Variants in CNOT11 observed in about 807,000 individuals in gnomAD.
CNOT11 encodes the protein CCR4-NOT transcription complex subunit 11.
A neutral mutation model predicts 44.6 loss-of-function variants in CNOT11; 18 were observed. That is an observed-to-expected ratio of 0.40 (90% CI 0.28 to 0.60). CNOT11 has a LOEUF of 0.60. Ranked by LOEUF, CNOT11 falls within the 20% of genes least tolerant of loss-of-function variation. The probability of loss-of-function intolerance (pLI) is 0.38; values close to 1 mark genes in which losing one functional copy is unlikely to be tolerated. For missense variants in CNOT11, 513 were observed against 677.0 expected (o/e 0.76, Z 2.69); for synonymous variants, 291 against 270.9 (o/e 1.07, Z -0.73).
intron 2 of CNOT11, among the ~76,000 whole-genome samples, chr2:101,258,197 T>C (rs1681774899): frequency 1.3e-5 from 2 of 151,992 alleles, no homozygotes; most frequent in Non-Finnish European, 2.9e-5. Flanking sequence ...AGTTTGAGAC[T>C]AGCCTGGCCA....
chr2:101,253,441 C>T lies in CNOT11; in HGVS notation c.477C>T (p.Ala159=), dbSNP rs1392811389. ...ACCTGCTCAACCCCGCGCCGCCCGC[C>T]CGCGGCGGCCAGGAACCCGACCGCC... The part of the protein sequence containing the change: ...FAHLLNPAPP[A]RGGQEPDRPP... Residue 159 remains alanine (A), a synonymous_variant, in exon 1 of 7, where the codon GCC becomes GCT. Coordinates refer to ENST00000289382, the MANE Select transcript of CNOT11 (RefSeq NM_017546.5). This position sits in a 1 kb window ranked among gnomAD's most constrained non-coding sequence, Gnocchi z 4.3. The T allele has an allele frequency of 5.2e-6, 8 of 1,525,942 alleles. No individual in the cohort carries two copies. The highest frequency in any genetic ancestry group is 7.0e-6 in the Non-Finnish European group (8 of 1,148,554). The allele number at this position is 1,525,942 out of a possible 1,614,324, so 94.5% of individuals were successfully genotyped here.
At chr2:101,266,935 G>C in intron 5 of CNOT11, 56 bp downstream of exon 5, 1 of 1,314,556 alleles carries the variant, frequency 7.6e-7, no homozygotes, top group Non-Finnish European at 1.1e-6. Flanking sequence ...AGATGGCCAG[G>C]AAAGAAAAAT....
chr2:101,266,610 G>A, intron 4 of CNOT11, 67 bp from the exon 5 acceptor site: 1 of 1,231,686 alleles, frequency 8.1e-7, no homozygotes, highest in Non-Finnish European at 1.2e-6. Context: ...ATATACATGG[G>A]AAAAAAAATT....
chr2:101,265,083 T>C, intron 4 of CNOT11, 36 bp downstream of exon 4: 1 of 1,387,716 alleles, frequency 7.2e-7, no homozygotes, highest in African/African-American at 1.5e-5. Flanking sequence ...TTATCTTTTT[T>C]TTTAAATTTA....
Position 101,266,744 on chromosome 2 carries a change from C to G in CNOT11, c.1103C>G (p.Pro368Arg). 1 of 1,614,168 alleles carries G rather than the reference C, an allele frequency of 6.2e-7. No individual in the cohort carries two copies. Among genetic ancestry groups the G allele is most frequent in the Non-Finnish European group, 8.5e-7 (1 of 1,180,028 alleles). ...ATTGGCCTCACCCCAGCCAAACTTC[C>G]TGACCTTGTGGAAAACAACCCTTTA... ...YHIGLTPAKLPDLVENNPLVA... is the reference protein window; with the variant it reads ...YHIGLTPAKLRDLVENNPLVA... Residue 368 changes from proline (P) to arginine (R), a missense_variant, in exon 5 of 7, where the codon CCT (proline) becomes CGT (arginine). By Grantham distance (103) the Pro-to-Arg change is moderately radical (BLOSUM62 -2). Around this residue, in one of 4 missense-constraint regions of CNOT11, gnomAD observed 87 missense variants for 185.4 expected, o/e 0.47. Coordinates refer to ENST00000289382, the MANE Select transcript of CNOT11 (RefSeq NM_017546.5).
Position 101,266,682 on chromosome 2 carries a change from T to C in CNOT11, c.1041T>C (p.Leu347=), listed in dbSNP as rs752338451. 1 of 1,613,484 alleles carries C rather than the reference T, an allele frequency of 6.2e-7. No individual in the cohort carries two copies. The highest frequency in any genetic ancestry group is 8.5e-7 in the Non-Finnish European group (1 of 1,179,420). The part of the protein sequence containing the change: ...PLSSPQQTQL[L]GELEKDPKLV... ...TAAAAATCTGGTGTATTTAGCTACT[T>C]GGTGAGTTGGAAAAAGACCCCAAAC... The change falls in exon 5 of 7, where the codon CTT becomes CTC. Residue 347 remains leucine, a synonymous_variant. Transcript: ENST00000289382.
Position 101,269,824 on chromosome 2 carries a change from A to C in CNOT11, c.*411A>C, listed in dbSNP as rs1682070691. 6.3e-6 allele frequency: 1 copy of C among 158,128 alleles called. No homozygotes were observed. Among genetic ancestry groups the C allele is most frequent in the African/African-American group, 2.4e-5 (1 of 41,538 alleles). 9.8% of individuals were successfully genotyped at this position (158,128 alleles called of 1,614,324 possible). On this transcript the variant is annotated 3_prime_UTR_variant, in exon 7 of 7. Coordinates refer to ENST00000289382, the MANE Select transcript of CNOT11 (RefSeq NM_017546.5). The surrounding 1 kb of genome is among the most constrained non-coding windows in gnomAD (Gnocchi z 4.8). ...AAGCATTTGTCCTAGAGGTGAAAGC[A>C]GCTGAATGTTTCTGAACCATCAAGA...
intron 3 of CNOT11, among the ~76,000 whole-genome samples, chr2:101,263,104 C>T (rs1211074364): frequency 6.6e-6 from 1 of 151,898 alleles, no homozygotes; most frequent in Non-Finnish European, 1.5e-5. Flanking sequence ...ATCTGTAGTC[C>T]CAGCTACTTG....
rs761607015 is a variant in CNOT11 at position 101,264,908 on chromosome 2, C to T, written c.896C>T (p.Ala299Val). The change falls in exon 4 of 7, where the codon GCT becomes GTT. Residue 299 changes from alanine to valine, a missense_variant. This residue lies in a region of CNOT11 where 140 missense variants were observed against 169.8 expected (regional missense o/e 0.82). Coordinates refer to ENST00000289382, the MANE Select transcript of CNOT11 (RefSeq NM_017546.5). ...PPLHICEDEL[A>V]WLNPTEPDHA... ...CTCCACATTTGTGAGGATGAACTTG[C>T]TTGGCTAAACCCCACGGAGCCTGAC... 3.1e-6 allele frequency: 5 copies of T among 1,614,040 alleles called. No individual in the cohort carries two copies. The highest frequency in any genetic ancestry group is 2.7e-5 in the African/African-American group (2 of 74,898).
In CNOT11 at chr2:101,264,871, C is replaced by A; in HGVS notation, c.859C>A (p.Pro287Thr). The change falls in exon 4 of 7, where the codon CCA becomes ACA. Residue 287 changes from proline (P) to threonine (T), a missense_variant. Pro to Thr is a conservative substitution (Grantham distance 38, BLOSUM62 -1). This residue lies in a region of CNOT11 where 140 missense variants were observed against 169.8 expected (regional missense o/e 0.82). Coordinates refer to ENST00000289382, the MANE Select transcript of CNOT11 (RefSeq NM_017546.5). ...ESHFRPEFIR[P>T]PPPLHICEDE... Reference sequence around the variant, plus strand: ...CCATTTTCGACCAGAGTTTATTCGTCCACCGCCTCCACTCCACATTTGTGA... The same window carrying A: ...CCATTTTCGACCAGAGTTTATTCGTACACCGCCTCCACTCCACATTTGTGA... The A allele has an allele frequency of 6.2e-7, 1 of 1,614,104 alleles. No individual in the cohort carries two copies. The highest frequency in any genetic ancestry group is 1.1e-5 in the South Asian group (1 of 91,084).
intron 2 of CNOT11, 126 bp downstream of exon 2, chr2:101,258,081 GT>G: frequency 2.1e-6 from 2 of 971,278 alleles, no homozygotes; most frequent in Non-Finnish European, 3.0e-6. Flanking sequence ...TTAAAAAGTA[GT>G]TTTAGTACTG....
chr2:101,267,335 C>T (rs189964378), intron 5 of CNOT11, among the ~76,000 whole-genome samples: 27 of 152,176 alleles, frequency 1.8e-4, no homozygotes, highest in East Asian at 1.7e-3. Flanking sequence ...GTTGGTCAGG[C>T]GGGTCTCGAA....
intron 4 of CNOT11, among the ~76,000 whole-genome samples, chr2:101,265,311 G>T (rs968510982): frequency 6.6e-6 from 1 of 152,106 alleles, no homozygotes; most frequent in Non-Finnish European, 1.5e-5. Flanking sequence ...TGTTGGCCAG[G>T]CTGGTCTGGT....
chr2:101,265,092 T>C, intron 4 of CNOT11, 45 bp downstream of exon 4: 1 of 1,333,532 alleles, frequency 7.5e-7, no homozygotes, highest in African/African-American at 1.5e-5. Context: ...TTTTTAAATT[T>C]ATTTTTAATT....
chr2:101,267,865 G>C (rs1682024416), intron 5 of CNOT11, among the ~76,000 whole-genome samples: 1 of 152,162 alleles, frequency 6.6e-6, no homozygotes, highest in Non-Finnish European at 1.5e-5. Context: ...AAATTATATG[G>C]TCCTCCTGTA....
At chr2:101,266,145 T>C (rs937020779) in intron 4 of CNOT11, among the ~76,000 whole-genome samples, 7 of 152,176 alleles carry the variant, frequency 4.6e-5, no homozygotes, top group Non-Finnish European at 8.8e-5. Flanking sequence ...AAAGTGTGGG[T>C]GTGACTTGAA....
At chr2:101,268,215 C>T (rs1355820600) in intron 5 of CNOT11, among the ~76,000 whole-genome samples, 1 of 152,156 alleles carries the variant, frequency 6.6e-6, no homozygotes, top group Non-Finnish European at 1.5e-5. Flanking sequence ...CTCTTTGTTC[C>T]AGTCTTTCCC....
intron 1 of CNOT11, among the ~76,000 whole-genome samples, chr2:101,254,990 T>C (rs1481086816): frequency 3.3e-5 from 5 of 152,196 alleles, no homozygotes; most frequent in Non-Finnish European, 5.9e-5. Flanking sequence ...CCGTGACTTA[T>C]ATAATGTCAT....
At chr2:101,258,229 A>G (rs1408041247) in intron 2 of CNOT11, among the ~76,000 whole-genome samples, 1 of 151,934 alleles carries the variant, frequency 6.6e-6, no homozygotes, top group East Asian at 1.9e-4. Context: ...CCCTGTCTCT[A>G]CTAAATATAC....
Sources: gnomAD v4.1 joint callset for allele counts (sites outside exome capture counted in the v4.1 genomes callset) on GRCh38, gnomAD v4.1.1 for gene constraint, gnomAD v4.1.1 regional missense constraint, Gnocchi (gnomAD v3.1) non-coding constraint, MANE v1.5 for transcripts, NCBI Gene and HGNC (gene_info 2026-07-23, HGNC 2026-07-21) for gene names.